The following HDAC7 variants were observed in gnomAD, a reference collection of about 807,000 sequenced individuals.
The protein encoded by HDAC7 is histone deacetylase 7A.
HDAC7 carries 26 observed loss-of-function variants against 115.5 expected under a neutral mutation model. That is an observed-to-expected ratio of 0.23 (90% CI 0.16 to 0.31). The LOEUF (loss-of-function observed/expected upper bound fraction) is 0.31. Among genes scored for constraint, HDAC7 ranks in the 10% least tolerant of loss-of-function variants. The probability of loss-of-function intolerance (pLI) is 1.00; values close to 1 mark genes in which losing one functional copy is unlikely to be tolerated. For missense variants in HDAC7, 1,068 were observed against 1,329.0 expected, an observed-to-expected ratio of 0.80 and a Z score of 3.05; for synonymous variants, 564 against 550.9, an observed-to-expected ratio of 1.02 and a Z score of -0.33.
At chr12:47,802,802 A>T (rs1048845091) in intron 1 of HDAC7, among the ~76,000 whole-genome samples, 3 of 152,140 alleles carry the variant, frequency 2.0e-5, no homozygotes, top group African/African-American at 7.2e-5. Flanking sequence ...AGGAGGGGAC[A>T]CAGAGGTTTC....
Position 47,797,338 on chromosome 12 carries a change from TTC to T in HDAC7, c.577+44_577+45del. The T allele has an allele frequency of 8.5e-7, 1 of 1,178,096 alleles. No individual in the cohort carries two copies. Among genetic ancestry groups the T allele is most frequent in the African/African-American group, 1.6e-5 (1 of 61,144 alleles). The allele number at this position is 1,178,096 out of a possible 1,614,324, so 73.0% of individuals were successfully genotyped here. Reference sequence around the variant, plus strand: ...CACTCCTCCCCCATGTCCGAGGCCCTTCCCCCTTCCTTTGCCTGAAAGGTCCG... The same window carrying T: ...CACTCCTCCCCCATGTCCGAGGCCCTCCCCTTCCTTTGCCTGAAAGGTCCG... On this transcript the variant is annotated intron_variant, in intron 6 of 25. Transcript: ENST00000080059. The surrounding 1 kb of genome is among the most constrained non-coding windows in gnomAD (Gnocchi z 5.5).
Position 47,784,341 on chromosome 12 carries a change from C to G in HDAC7, c.2792-124G>C. The G allele has an allele frequency of 2.7e-6, 3 of 1,104,218 alleles. No homozygotes were observed. The South Asian group carries it at 5.0e-5, about 18-fold the overall frequency. 68.4% of individuals were successfully genotyped at this position (1,104,218 alleles called of 1,614,324 possible). Reference sequence around the variant, plus strand: ...CCCGGAGGAGCGGGCCTGTCCTCCACTTAGGGTCGGCTCTCCCACCTGCCC... The same window carrying G: ...CCCGGAGGAGCGGGCCTGTCCTCCAGTTAGGGTCGGCTCTCCCACCTGCCC... On this transcript the variant is annotated intron_variant, in intron 24 of 25. Transcript: ENST00000080059.
chr12:47,784,893 T>G lies in HDAC7; in HGVS notation c.2791+494A>C, dbSNP rs1224127434. 7.9e-6 allele frequency: 7 copies of G among 888,236 alleles called. No individual in the cohort carries two copies. In the Admixed American group the frequency reaches 1.1e-4, roughly 14 times the overall value. The allele number at this position is 888,236 out of a possible 1,614,324, so 55.0% of individuals were successfully genotyped here. A position where few individuals can be genotyped will look rare whatever the true frequency, so the allele number is the denominator to read the frequency against. On this transcript the variant is annotated intron_variant, in intron 24 of 25. Coordinates refer to ENST00000080059, the MANE Select transcript of HDAC7 (RefSeq NM_015401.5). ...TGATATGGGAATCTATTTTACTCAT[T>G]TTTATCCCTAGTATAGATTATGGGT...
intron 24 of HDAC7, chr12:47,784,516 G>T: frequency 1.6e-6 from 1 of 608,186 alleles, no homozygotes; most frequent in Non-Finnish European, 2.9e-6. Context: ...CCACAGGTGC[G>T]GGGCTCCTGA....
chr12:47,802,361 C>T lies in HDAC7; in HGVS notation c.20-87G>A, dbSNP rs1944209827. 3 of 1,534,926 alleles carry T rather than the reference C, an allele frequency of 2.0e-6. No individual in the cohort carries two copies. In the South Asian group the frequency reaches 3.5e-5, roughly 18 times the overall value. On this transcript the variant is annotated intron_variant, in intron 1 of 25. Coordinates refer to ENST00000080059, the MANE Select transcript of HDAC7 (RefSeq NM_015401.5). ...GAAAGAAGGTCAAGCCAGGCCTGCT[C>T]CCTGCCACTCCAAGCTTGAGCACGC...
intron 16 of HDAC7, chr12:47,790,976 C>T: frequency 1.8e-6 from 1 of 541,598 alleles, no homozygotes; most frequent in Non-Finnish European, 3.3e-6. Context: ...GATCCTAAGC[C>T]CCAGCCTTGG....
At chr12:47,815,065 T>C (rs1272393766) in intron 1 of HDAC7, among the ~76,000 whole-genome samples, 2 of 152,178 alleles carry the variant, frequency 1.3e-5, no homozygotes, top group Non-Finnish European at 2.9e-5. Context: ...GCCTAGAACA[T>C]TGCAAGGCTC....
chr12:47,793,337 C>T lies in HDAC7; in HGVS notation c.1678+32G>A. The T allele has an allele frequency of 1.4e-6, 1 of 714,286 alleles. No homozygotes were observed. The highest frequency in any genetic ancestry group is 2.2e-6 in the Non-Finnish European group (1 of 448,432). The allele number at this position is 714,286 out of a possible 1,614,324, so 44.2% of individuals were successfully genotyped here. On this transcript the variant is annotated intron_variant, in intron 13 of 25. Coordinates refer to ENST00000080059, the MANE Select transcript of HDAC7 (RefSeq NM_015401.5). This position sits in a 1 kb window ranked among gnomAD's most constrained non-coding sequence, Gnocchi z 4.5. ...CATGGACTCGTGCAGCCGAGCCCCTCCCTCCACCCGCCACCCTCCTCCCGG... is the reference window on the plus strand; with the variant it reads ...CATGGACTCGTGCAGCCGAGCCCCTTCCTCCACCCGCCACCCTCCTCCCGG...
chr12:47,790,320 C>T (rs1018216572), intron 16 of HDAC7: 2 of 207,148 alleles, frequency 9.7e-6, no homozygotes, highest in Non-Finnish European at 1.0e-5. Flanking sequence ...GTCTTCCACT[C>T]AGGGCCCCTA....
chr12:47,816,532 G>A (rs1436487733), intron 1 of HDAC7, among the ~76,000 whole-genome samples: 1 of 152,052 alleles, frequency 6.6e-6, no homozygotes, highest in Non-Finnish European at 1.5e-5. Context: ...CTGGGGGGAG[G>A]GGTACACACA....
chr12:47,809,697 A>C, intron 1 of HDAC7, among the ~76,000 whole-genome samples: 1 of 151,710 alleles, frequency 6.6e-6, no homozygotes, highest in Non-Finnish European at 1.5e-5. Flanking sequence ...CAGCCTCCTA[A>C]GTAGCTGGGA....
intron 1 of HDAC7, chr12:47,818,041 G>C (rs1944898281): frequency 6.6e-6 from 1 of 152,254 alleles, no homozygotes; most frequent in African/African-American, 2.4e-5. Context: ...CTTCTGCTCT[G>C]CTCTGAGAAG....
At chr12:47,815,527 G>A (rs1944825308) in intron 1 of HDAC7, among the ~76,000 whole-genome samples, 1 of 152,208 alleles carries the variant, frequency 6.6e-6, no homozygotes, top group Non-Finnish European at 1.5e-5. Context: ...CCTTGCCCCA[G>A]GATCACCTGA....
At position 47,783,780 on chromosome 12, in the gene HDAC7, C is replaced by T; in HGVS notation, c.*61G>A. The T allele has an allele frequency of 6.5e-7, 1 of 1,550,144 alleles. No homozygotes were observed. The highest frequency in any genetic ancestry group is 8.8e-7 in the Non-Finnish European group (1 of 1,132,328). On this transcript the variant is annotated 3_prime_UTR_variant, in exon 26 of 26. Transcript: ENST00000080059. ...AAGACCCAGGAATGGGGGCTATTGC[C>T]AGGGGTTAGAAGAGAACCAGGTCCC...
In HDAC7 at chr12:47,791,509, G is replaced by T. The variant is rs1159799830; in HGVS notation, c.1933+77C>A. 6 of 1,525,188 alleles carry T rather than the reference G, an allele frequency of 3.9e-6. No homozygotes were observed. In the African/African-American group the frequency reaches 5.5e-5, roughly 14 times the overall value. 94.5% of individuals were successfully genotyped at this position (1,525,188 alleles called of 1,614,324 possible). On this transcript the variant is annotated intron_variant, in intron 15 of 25. Transcript: ENST00000080059. ...GGTGCAGGAGGAGGCTGGCTGGGCGGGCAGAGCCGAGACAGGAGTGCATGG... is the reference window on the plus strand; with the variant it reads ...GGTGCAGGAGGAGGCTGGCTGGGCGTGCAGAGCCGAGACAGGAGTGCATGG...
intron 16 of HDAC7, 161 bp downstream of exon 16, chr12:47,791,098 G>C: frequency 4.3e-6 from 3 of 701,306 alleles, no homozygotes; most frequent in Middle Eastern, 3.9e-4. Context: ...TGTCCAAAAG[G>C]AGCTTCCTGC....
chr12:47,819,438 C>T (rs1036887829), intron 1 of HDAC7, among the ~76,000 whole-genome samples: 1 of 152,164 alleles, frequency 6.6e-6, no homozygotes, highest in Non-Finnish European at 1.5e-5. Context: ...GGTGATGGGA[C>T]GTGGGGCCCG....
chr12:47,789,712 C>CT, intron 17 of HDAC7, 101 bp downstream of exon 17: 1 of 1,374,732 alleles, frequency 7.3e-7, no homozygotes, highest in South Asian at 1.2e-5. Context: ...GTAGCAATCT[C>CT]TAAGAGGAAT....
rs561418381 is a variant in HDAC7 at position 47,812,752 on chromosome 12, G to C, written c.19+7015C>G. ...TGGGGCACAGAGAAAAGCCCCACTT[G>C]AAACTAGGAAATCGAGTCTCAGAGC... On this transcript the variant is annotated intron_variant, in intron 1 of 25. Transcript: ENST00000080059. Among the ~76,000 whole-genome samples the C allele has an allele frequency of 2.6e-5, 4 of 152,296 alleles. No homozygotes were observed. In the South Asian group the frequency reaches 8.3e-4, roughly 32 times the overall value.
Sources: gnomAD v4.1 joint callset for allele counts (sites outside exome capture counted in the v4.1 genomes callset) on GRCh38, gnomAD v4.1.1 for gene constraint, Gnocchi (gnomAD v3.1) non-coding constraint, MANE v1.5 for transcripts, NCBI Gene and HGNC (gene_info 2026-07-23, HGNC 2026-07-21) for gene names.